The following AHNAK variants were observed in gnomAD, a reference collection of about 807,000 sequenced individuals.
The protein encoded by AHNAK is neuroblast differentiation-associated protein AHNAK.
AHNAK carries 23 observed loss-of-function variants against 37.8 expected under a neutral mutation model. The ratio of observed to expected loss-of-function variants is 0.61; its 90% CI spans 0.44 to 0.86. AHNAK has a LOEUF of 0.86. Ranked by LOEUF, AHNAK falls within the 40% of genes least tolerant of loss-of-function variation. The probability of loss-of-function intolerance (pLI) is 0.00; values close to 1 mark genes in which losing one functional copy is unlikely to be tolerated. For missense variants in AHNAK, 7,411 were observed against 7,319.4 expected, an observed-to-expected ratio of 1.01 and a Z score of -0.46; for synonymous variants, 2,481 against 2,636.3, an observed-to-expected ratio of 0.94 and a Z score of 1.80.
At position 62,450,709 on chromosome 11, in the gene AHNAK, C is replaced by T. The variant is rs574065269; in HGVS notation, c.443-16818G>A. Among the ~76,000 whole-genome samples the T allele has an allele frequency of 5.4e-4, 82 of 152,348 alleles. 1 individual carries two copies. The South Asian group carries it at 0.016, about 29-fold the overall frequency. ...CCTGCAATACCCTCCTTGAGCTTCT[C>T]CACCAGAGAGAGGAAGTCATCAGCA... On this transcript the variant is annotated intron_variant, in intron 5 of 5. Transcript: ENST00000257247.
intron 3 of AHNAK, among the ~76,000 whole-genome samples, 196 bp downstream of exon 3, chr11:62,535,749 C>A (rs1321418036): frequency 6.6e-6 from 1 of 152,172 alleles, no homozygotes; most frequent in Non-Finnish European, 1.5e-5. Flanking sequence ...ACACAGCTGC[C>A]TCCCCTGAGG....
chr11:62,523,221 T>C lies in AHNAK; in HGVS notation c.11196A>G (p.Lys3732=). 1 of 1,612,716 alleles carries C rather than the reference T, an allele frequency of 6.2e-7. No homozygotes were observed. ...TCAGGTGCATCTCTGGTATCTTAAA[T>C]TTGGGTCCCTTGAATTTACCCTCTG... ...EGSEGKFKGP[K]FKIPEMHLKA... is the part of the protein sequence containing the mutation. Residue 3732 remains lysine (K), a synonymous_variant, in exon 5 of 5, where the codon AAA becomes AAG. Transcript: ENST00000378024.
rs150686825 is a variant in AHNAK, at chr11:62,528,215, C to G, written c.6202G>C (p.Val2068Leu). 1.9e-6 allele frequency: 3 copies of G among 1,614,124 alleles called. No homozygotes were observed. Among genetic ancestry groups the G allele is most frequent in the Non-Finnish European group, 2.5e-6 (3 of 1,180,036 alleles). ...MPGFKAEGPE[V>L]DVNLPKADVV... is the part of the protein sequence containing the mutation. ...TCAGCCTTGGGCAAGTTCACATCCA[C>G]TTCTGGGCCCTCTGCTTTGAAGCCA... Residue 2068 changes from valine (V) to leucine (L), a missense_variant, in exon 5 of 5, where the codon GTG becomes CTG. Transcript: ENST00000378024.
At chr11:62,486,012 CTT>C (rs1939384473) in intron 5 of AHNAK, among the ~76,000 whole-genome samples, 1 of 121,592 alleles carries the variant, frequency 8.2e-6, no homozygotes, top group Admixed American at 9.1e-5. Flanking sequence ...CAAAGCAAGA[CTT>C]TGTCTCAAAA....
rs776310263 is a variant in AHNAK at position 62,519,398 on chromosome 11, G to C, written c.15019C>G (p.Leu5007Val). Residue 5007 changes from leucine to valine, a missense_variant, in exon 5 of 5, where the codon CTT becomes GTT. Coordinates refer to ENST00000378024, the MANE Select transcript of AHNAK (RefSeq NM_001620.3). ...DVTVPEAELNLETPEISVGGK... is the reference protein window; with the variant it reads ...DVTVPEAELNVETPEISVGGK... ...CCAACACTAATTTCAGGAGTCTCAAGGTTCAGCTCTGCCTCAGGAACAGTG... is the reference window on the plus strand; with the variant it reads ...CCAACACTAATTTCAGGAGTCTCAACGTTCAGCTCTGCCTCAGGAACAGTG... 3.1e-6 allele frequency: 5 copies of C among 1,613,606 alleles called. No individual in the cohort carries two copies. Among genetic ancestry groups the C allele is most frequent in the Non-Finnish European group, 4.2e-6 (5 of 1,179,822 alleles).
chr11:62,521,288 C>T lies in AHNAK; in HGVS notation c.13129G>A (p.Glu4377Lys), dbSNP rs1178566991. The T allele has an allele frequency of 6.2e-7, 1 of 1,613,886 alleles. No individual in the cohort carries two copies. The highest frequency in any genetic ancestry group is 1.3e-5 in the African/African-American group (1 of 74,934). The change falls in exon 5 of 5, where the codon GAG (glutamate) becomes AAG (lysine). Residue 4377 changes from glutamate (E) to lysine (K), a missense_variant. Glu to Lys is a moderately conservative substitution (Grantham distance 56). Coordinates refer to ENST00000378024, the MANE Select transcript of AHNAK (RefSeq NM_001620.3). The part of the protein sequence containing the change: ...KLKGPKFKMP[E>K]MNIKAPKISM... ...ATTTTGGGGGCCTTGATGTTCATCT[C>T]TGGCATCTTGAACTTTGGACCCTTG...
intron 4 of AHNAK, among the ~76,000 whole-genome samples, chr11:62,496,081 G>A (rs539065198): frequency 1.1e-4 from 17 of 151,424 alleles, no homozygotes; most frequent in South Asian, 2.1e-4. Flanking sequence ...AAGAAATAAC[G>A]TTAATATTAC....
chr11:62,450,604 C>T (rs2134801018), intron 5 of AHNAK, among the ~76,000 whole-genome samples: 1 of 152,390 alleles, frequency 6.6e-6, no homozygotes, highest in South Asian at 2.1e-4. Context: ...ACAGCTCCAG[C>T]TGTGCCGTGT....
intron 5 of AHNAK, among the ~76,000 whole-genome samples, chr11:62,457,553 C>A: frequency 6.6e-6 from 1 of 152,082 alleles, no homozygotes; most frequent in East Asian, 1.9e-4. Flanking sequence ...TAGCTTGAAC[C>A]CAGAGGCGGA....
chr11:62,522,346 G>A lies in AHNAK; in HGVS notation c.12071C>T (p.Pro4024Leu), dbSNP rs149928120. 1.2e-6 allele frequency: 2 copies of A among 1,613,686 alleles called. No individual in the cohort carries two copies. Among genetic ancestry groups the A allele is most frequent in the Admixed American group, 1.7e-5 (1 of 59,946 alleles). Reference protein sequence around the residue: ...KVKGDVDVSLPKMEGDLKAPE... With the variant: ...KVKGDVDVSLLKMEGDLKAPE... ...GGCCTTTAGATCACCTTCCATCTTA[G>A]GCAGAGAAACATCCACATCTCCTTT... Residue 4024 changes from proline to leucine, a missense_variant, in exon 5 of 5, where the codon CCT becomes CTT. By Grantham distance (98) the Pro-to-Leu change is moderately conservative. Coordinates refer to ENST00000378024, the MANE Select transcript of AHNAK (RefSeq NM_001620.3).
intron 5 of AHNAK, among the ~76,000 whole-genome samples, chr11:62,439,580 T>C (rs1476028413): frequency 6.6e-6 from 1 of 152,154 alleles, no homozygotes; most frequent in Admixed American, 6.5e-5. Flanking sequence ...ATGTTCCTTT[T>C]CATTATCATT....
At chr11:62,489,249 A>G (rs935275919) in intron 5 of AHNAK, among the ~76,000 whole-genome samples, 8 of 151,838 alleles carry the variant, frequency 5.3e-5, no homozygotes, top group Non-Finnish European at 1.0e-4. Context: ...TCAAAAAAAA[A>G]AAAAAAAGAC....
chr11:62,438,971 C>T (rs1938239796), intron 5 of AHNAK, among the ~76,000 whole-genome samples: 1 of 152,014 alleles, frequency 6.6e-6, no homozygotes, highest in African/African-American at 2.4e-5. Flanking sequence ...TCAACAGGTA[C>T]CACTGCTGAC....
intron 5 of AHNAK, among the ~76,000 whole-genome samples, chr11:62,450,470 G>A (rs1338187460): frequency 1.3e-5 from 2 of 152,092 alleles, no homozygotes; most frequent in Non-Finnish European, 1.5e-5. Context: ...TGGGATTAAA[G>A]GTGTGAGCCA....
chr11:62,468,479 T>C (rs555187813), intron 5 of AHNAK, among the ~76,000 whole-genome samples: 17 of 152,174 alleles, frequency 1.1e-4, no homozygotes, highest in African/African-American at 4.1e-4. Flanking sequence ...AATAAAATTA[T>C]AGGAGGCCAT....
chr11:62,532,704 C>T lies in AHNAK; in HGVS notation c.1713G>A (p.Met571Ile). 6.2e-7 allele frequency: 1 copy of T among 1,613,948 alleles called. No homozygotes were observed. Among genetic ancestry groups the T allele is most frequent in the Non-Finnish European group, 8.5e-7 (1 of 1,179,958 alleles). Residue 571 changes from methionine to isoleucine, a missense_variant, in exon 5 of 5, where the codon ATG (methionine) becomes ATA (isoleucine). Transcript: ENST00000378024. ...SGKTGTCRIS[M>I]SEVDLNVAAP... The stretch of plus-strand genomic sequence containing the variant: ...CGGCCACATTTAAGTCTACTTCTGA[C>T]ATAGAGATCCTACAGGTTCCGGTTT...
chr11:62,479,456 C>T (rs1166456975), intron 5 of AHNAK, among the ~76,000 whole-genome samples: 1 of 105,822 alleles, frequency 9.4e-6, no homozygotes, highest in African/African-American at 2.6e-5. Context: ...CGTGAGCTAC[C>T]CTGCCCAGCC....
chr11:62,466,469 A>ATTTTTT (rs67385747), intron 5 of AHNAK, among the ~76,000 whole-genome samples: 1 of 135,778 alleles, frequency 7.4e-6, no homozygotes. Flanking sequence ...TAAAGTTTTG[A>ATTTTTT]TTTTTTTTTT....
intron 5 of AHNAK, among the ~76,000 whole-genome samples, chr11:62,455,534 T>C (rs1021720984): frequency 2.0e-5 from 3 of 151,958 alleles, no homozygotes; most frequent in African/African-American, 7.2e-5. Context: ...GGAGAAACCC[T>C]GTCTCTACTA....
Sources: allele counts gnomAD v4.1 joint callset (sites outside exome capture counted in the v4.1 genomes callset), GRCh38; gene constraint gnomAD v4.1.1; transcripts MANE v1.5; gene names NCBI Gene and HGNC (gene_info 2026-07-23, HGNC 2026-07-21).